Variants in ZNF507 observed in about 807,000 individuals in gnomAD.
The protein encoded by ZNF507 is zinc finger protein 507.
Under a neutral mutation model 80.0 loss-of-function variants are expected in ZNF507, and 29 were observed. The observed-to-expected ratio is 0.36, with a 90% CI of 0.27 to 0.49. The LOEUF (loss-of-function observed/expected upper bound fraction) is 0.49, where lower values mean the gene tolerates loss of function less well. ZNF507 is among the 20% of genes least tolerant of loss of function. The pLI, the probability that ZNF507 is intolerant of heterozygous loss-of-function variation, is 0.98. For synonymous variants in ZNF507, 462 were observed against 422.5 expected (o/e 1.09, Z -1.15); for missense variants, 1,081 against 1,152.2 (o/e 0.94, Z 0.90).
At chr19:32,350,120 C>T (rs926429675) in intron 2 of ZNF507, among the ~76,000 whole-genome samples, 2 of 151,128 alleles carry the variant, frequency 1.3e-5, no homozygotes, top group African/African-American at 4.9e-5. Flanking sequence ...GTCTAAGTAA[C>T]ATTTTTGTGA....
chr19:32,351,211 G>A (rs566084417), intron 2 of ZNF507, among the ~76,000 whole-genome samples: 7 of 152,214 alleles, frequency 4.6e-5, no homozygotes, highest in African/African-American at 1.7e-4. Flanking sequence ...TAGTAGCCAA[G>A]AGAAAAAAAG....
rs749461623 is a variant in ZNF507, at chr19:32,382,576, A to G, written c.2470A>G (p.Asn824Asp). The change falls in exon 6 of 7, where the codon AAC becomes GAC. Residue 824 changes from asparagine to aspartate, a missense_variant. By Grantham distance (23) the Asn-to-Asp change is conservative. Transcript: ENST00000355898. Reference protein sequence around the residue: ...YNYEQVNKAINDAISQSGRVL... With the variant: ...YNYEQVNKAIDDAISQSGRVL... ...CTACGAACAAGTAAACAAGGCTATT[A>G]ACGACGCGATTTCACAAAGTGGCAG... 2 of 1,614,192 alleles carry G rather than the reference A, an allele frequency of 1.2e-6. No homozygotes were observed. Among genetic ancestry groups the G allele is most frequent in the Non-Finnish European group, 1.7e-6 (2 of 1,180,014 alleles).
chr19:32,363,849 C>G (rs1342053275), intron 5 of ZNF507, among the ~76,000 whole-genome samples: 2 of 152,160 alleles, frequency 1.3e-5, no homozygotes, highest in Non-Finnish European at 2.9e-5. Context: ...ATGCTGGGCC[C>G]AGGCAGAGTG....
In ZNF507 at chr19:32,351,535, G is replaced by GGGGGGGGGGGGC. The variant is rs901951859; in HGVS notation, c.-2-1293_-2-1292insGGGGGGGGGGCG. On this transcript the variant is annotated intron_variant, in intron 2 of 6. Coordinates refer to ENST00000355898, the MANE Select transcript of ZNF507 (RefSeq NM_001136156.2). Reference sequence around the variant, plus strand: ...TGTGTGTGTGTGTGGCGTGGGGGCGGGCGGGGCCTGGCAGGACATTAGGTA... The same window carrying GGGGGGGGGGGGC: ...TGTGTGTGTGTGTGGCGTGGGGGCGGGGGGGGGGGGGCGCGGGGCCTGGCAGGACATTAGGTA... Among the ~76,000 whole-genome samples, 9 of 75,688 alleles carry GGGGGGGGGGGGC rather than the reference G, an allele frequency of 1.2e-4. 1 individual carries two copies. The highest frequency in any genetic ancestry group is 3.8e-4 in the African/African-American group (7 of 18,192). 49.7% of individuals were successfully genotyped at this position (75,688 alleles called of 152,430 possible). A position where few individuals can be genotyped will look rare whatever the true frequency, so the allele number is the denominator to read the frequency against.
chr19:32,351,126 C>T (rs1967157030), intron 2 of ZNF507, among the ~76,000 whole-genome samples: 1 of 152,256 alleles, frequency 6.6e-6, no homozygotes, highest in Non-Finnish European at 1.5e-5. Flanking sequence ...TGAAGGACCA[C>T]GGGCCTTTGG....
intron 2 of ZNF507, among the ~76,000 whole-genome samples, chr19:32,351,086 C>A (rs945795844): frequency 6.6e-6 from 1 of 152,146 alleles, no homozygotes; most frequent in Non-Finnish European, 1.5e-5. Flanking sequence ...CAGAACTAGT[C>A]TTTTGAGAGA....
intron 3 of ZNF507, 60 bp downstream of exon 3, chr19:32,355,017 CTT>C: frequency 7.0e-7 from 1 of 1,434,814 alleles, no homozygotes; most frequent in Non-Finnish European, 9.3e-7. Context: ...GAGAAGGGAA[CTT>C]TGTAGATCTA....
chr19:32,372,186 A>C (rs2145335972), intron 5 of ZNF507, among the ~76,000 whole-genome samples: 1 of 152,340 alleles, frequency 6.6e-6, no homozygotes, highest in Admixed American at 6.5e-5. Context: ...TGTCAAAAGT[A>C]GGATTAAAAA....
In ZNF507 at chr19:32,385,219, A is replaced by G. The variant is rs1967672989; in HGVS notation, c.*2136A>G. The G allele has an allele frequency of 6.6e-6, 1 of 152,222 alleles. No homozygotes were observed. The highest frequency in any genetic ancestry group is 1.5e-5 in the Non-Finnish European group (1 of 68,038). The allele number at this position is 152,222 out of a possible 1,614,324, so 9.4% of individuals were successfully genotyped here. ...ACCTTTATTTCTTTAAACTAATTCC[A>G]TTGATTGTTACTTAAATTTTCCACC... On this transcript the variant is annotated 3_prime_UTR_variant, in exon 7 of 7. Coordinates refer to ENST00000355898, the MANE Select transcript of ZNF507 (RefSeq NM_001136156.2).
chr19:32,363,055 A>G (rs1302013954), intron 5 of ZNF507, among the ~76,000 whole-genome samples: 1 of 152,146 alleles, frequency 6.6e-6, no homozygotes, highest in Non-Finnish European at 1.5e-5. Flanking sequence ...GTTGTCCTAT[A>G]CTGTGTGCTT....
intron 4 of ZNF507, chr19:32,358,501 T>G (rs1351218446): frequency 6.6e-6 from 1 of 152,146 alleles, no homozygotes; most frequent in African/African-American, 2.4e-5. Context: ...GGGAGTACAG[T>G]GAAAGGCATC....
chr19:32,353,011 CA>C lies in ZNF507; in HGVS notation c.186del (p.Lys62AsnfsTer4). Reference sequence around the variant, plus strand: ...CAAGATAGTGGAAAATGAAAAGTCACAAAAATGTCTTTTAATTGGGAAGAAA... The same window carrying C: ...CAAGATAGTGGAAAATGAAAAGTCACAAAATGTCTTTTAATTGGGAAGAAA... The part of the protein sequence containing the change: ...LSKIVENEKS[Q>X]KCLLIGKKRP... On this transcript the variant is annotated frameshift_variant, in exon 3 of 7. Transcript: ENST00000355898. LOFTEE classifies it high-confidence loss of function. The C allele has an allele frequency of 1.2e-6, 2 of 1,613,924 alleles. No individual in the cohort carries two copies. The highest frequency in any genetic ancestry group is 1.7e-6 in the Non-Finnish European group (2 of 1,179,966).
At chr19:32,373,774 C>T (rs1448778749) in intron 5 of ZNF507, among the ~76,000 whole-genome samples, 3 of 152,184 alleles carry the variant, frequency 2.0e-5, no homozygotes, top group African/African-American at 7.2e-5. Context: ...ATTTTGCTTC[C>T]AGCATTATCA....
Position 32,353,998 on chromosome 19 carries a change from A to C in ZNF507, c.1168A>C (p.Asn390His). ...SAQKIISSSP[N>H]KKGHVNVIVE... ...ACAGAAAATCATCAGCAGCAGCCCCAATAAAAAAGGGCATGTTAACGTGAT... is the reference window on the plus strand; with the variant it reads ...ACAGAAAATCATCAGCAGCAGCCCCCATAAAAAAGGGCATGTTAACGTGAT... Residue 390 changes from asparagine to histidine, a missense_variant, in exon 3 of 7, where the codon AAT (asparagine) becomes CAT (histidine). Coordinates refer to ENST00000355898, the MANE Select transcript of ZNF507 (RefSeq NM_001136156.2). The C allele has an allele frequency of 6.2e-7, 1 of 1,614,122 alleles. No individual in the cohort carries two copies. Among genetic ancestry groups the C allele is most frequent in the Non-Finnish European group, 8.5e-7 (1 of 1,180,018 alleles).
intron 5 of ZNF507, among the ~76,000 whole-genome samples, chr19:32,377,953 A>G (rs1203077707): frequency 6.6e-6 from 1 of 152,116 alleles, no homozygotes; most frequent in Non-Finnish European, 1.5e-5. Context: ...CCAAGAACCC[A>G]TCAGCTCAGT....
Position 32,353,567 on chromosome 19 carries a change from G to T in ZNF507, c.737G>T (p.Gly246Val). 1 of 1,614,178 alleles carries T rather than the reference G, an allele frequency of 6.2e-7. No homozygotes were observed. Among genetic ancestry groups the T allele is most frequent in the Non-Finnish European group, 8.5e-7 (1 of 1,180,036 alleles). Residue 246 changes from glycine to valine, a missense_variant, in exon 3 of 7, where the codon GGC becomes GTC. Gly to Val is a moderately radical substitution (Grantham distance 109). Around this residue, in one of 6 missense-constraint regions of ZNF507, gnomAD observed 275 missense variants for 303.9 expected, o/e 0.90. Transcript: ENST00000355898. ...AAATGGTATGCATACGAACAGTACGGCATGTATCGATGCTTGTTTTGTAGT... is the reference window on the plus strand; with the variant it reads ...AAATGGTATGCATACGAACAGTACGTCATGTATCGATGCTTGTTTTGTAGT... ...RRKWYAYEQY[G>V]MYRCLFCSYT...
Position 32,371,671 on chromosome 19 carries a change from G to A in ZNF507, c.2361-10796G>A, listed in dbSNP as rs536106209. On this transcript the variant is annotated intron_variant, in intron 5 of 6. Transcript: ENST00000355898. ...TTTTTTTTTTTTGAGATGGAGTCTC[G>A]CTCTGTCGCCCAGGCTGGAGTGCAG... is the stretch of plus-strand genomic sequence containing the variant. Among the ~76,000 whole-genome samples the A allele has an allele frequency of 2.9e-3, 402 of 138,988 alleles. 3 individuals are homozygous for A. Among genetic ancestry groups the A allele is most frequent in the Non-Finnish European group, 4.3e-3 (281 of 65,040 alleles). 91.2% of individuals were successfully genotyped at this position (138,988 alleles called of 152,430 possible).
At chr19:32,364,562 ACGTAT>A (rs1181991401) in intron 5 of ZNF507, among the ~76,000 whole-genome samples, 3 of 152,138 alleles carry the variant, frequency 2.0e-5, no homozygotes, top group South Asian at 4.1e-4. Flanking sequence ...CTTAGCTCCC[ACGTAT>A]CAGTGAGAAC....
intron 4 of ZNF507, chr19:32,358,924 G>A (rs548786769): frequency 3.9e-5 from 6 of 152,324 alleles, no homozygotes; most frequent in African/African-American, 9.6e-5. Context: ...GTGGCAGAGC[G>A]AGGACTAAGC....
Sources: allele counts gnomAD v4.1 joint callset (sites outside exome capture counted in the v4.1 genomes callset), GRCh38; gene constraint gnomAD v4.1.1; regional missense constraint gnomAD v4.1.1; transcripts MANE v1.5; gene names NCBI Gene and HGNC (gene_info 2026-07-23, HGNC 2026-07-21).